Variants in SNRNP48 observed in about 807,000 individuals in gnomAD.
The protein encoded by SNRNP48 is U11/U12 small nuclear ribonucleoprotein 48 kDa protein.
Under a neutral mutation model 47.0 loss-of-function variants are expected in SNRNP48, and 43 were observed. The ratio of observed to expected loss-of-function variants is 0.92; its 90% CI spans 0.72 to 1.18. SNRNP48 has a LOEUF of 1.18. SNRNP48 is among the 50% of genes most tolerant of loss of function. SNRNP48 has a pLI of 0.00. For synonymous variants in SNRNP48, 138 were observed against 144.0 expected, an observed-to-expected ratio of 0.96 and a Z score of 0.30; for missense variants, 396 against 422.2, an observed-to-expected ratio of 0.94 and a Z score of 0.54.
intron 1 of SNRNP48, among the ~76,000 whole-genome samples, chr6:7,592,207 G>A (rs1274080999): frequency 6.6e-6 from 1 of 152,112 alleles, no homozygotes; most frequent in Admixed American, 6.5e-5. Flanking sequence ...CGGGGAAGAA[G>A]CATCAACAGC....
intron 3 of SNRNP48, 122 bp downstream of exon 3, chr6:7,594,281 G>C: frequency 2.2e-6 from 1 of 460,172 alleles, no homozygotes; most frequent in Non-Finnish European, 3.9e-6. Flanking sequence ...AGTACCTTAA[G>C]AGAATGTAGA....
Position 7,606,039 on chromosome 6 carries a change from A to G in SNRNP48, c.815A>G (p.Glu272Gly), listed in dbSNP as rs1435236688. 1 of 1,596,026 alleles carries G rather than the reference A, an allele frequency of 6.3e-7. No homozygotes were observed. The highest frequency in any genetic ancestry group is 8.5e-7 in the Non-Finnish European group (1 of 1,175,536). ...KAEDDAEKNE[E>G]RRSASVDSRQ... ...TCTTTTCTGTGTTTTAGGAATGAAGAAAGGCGATCAGCTTCAGTAGATTCA... is the reference window on the plus strand; with the variant it reads ...TCTTTTCTGTGTTTTAGGAATGAAGGAAGGCGATCAGCTTCAGTAGATTCA... The change falls in exon 8 of 9, where the codon GAA becomes GGA. Residue 272 changes from glutamate (E) to glycine (G), a missense_variant. Glu to Gly is a moderately conservative substitution (Grantham distance 98). Coordinates refer to ENST00000342415, the MANE Select transcript of SNRNP48 (RefSeq NM_152551.4).
chr6:7,594,480 G>T (rs954879046), intron 3 of SNRNP48, among the ~76,000 whole-genome samples: 2 of 152,114 alleles, frequency 1.3e-5, no homozygotes, highest in African/African-American at 4.8e-5. Flanking sequence ...TGTGTTCCAG[G>T]GATTGACAGC....
chr6:7,607,900 T>A (rs1457355728), intron 8 of SNRNP48, among the ~76,000 whole-genome samples: 1 of 152,248 alleles, frequency 6.6e-6, no homozygotes, highest in Non-Finnish European at 1.5e-5. Flanking sequence ...TACCTATGAC[T>A]TAGTCCTTTT....
rs1422371082 is a variant in SNRNP48 at position 7,594,177 on chromosome 6, A to G, written c.331+18A>G. 1 of 1,183,082 alleles carries G rather than the reference A, an allele frequency of 8.5e-7. No individual in the cohort carries two copies. Among genetic ancestry groups the G allele is most frequent in the South Asian group, 1.6e-5 (1 of 62,536 alleles). 73.3% of individuals were successfully genotyped at this position (1,183,082 alleles called of 1,614,324 possible). ...TACTTTGAGTAAGTATTAAGTTATT[A>G]TAATTTAAAAATATCTTAGTGTAGA... On this transcript the variant is annotated intron_variant, in intron 3 of 8. Coordinates refer to ENST00000342415, the MANE Select transcript of SNRNP48 (RefSeq NM_152551.4).
In SNRNP48 at chr6:7,610,870, A is replaced by G. The variant is rs145733713; in HGVS notation, c.*1997A>G. The G allele has an allele frequency of 6.4e-4, 93 of 146,294 alleles. No individual in the cohort carries two copies. Among genetic ancestry groups the G allele is most frequent in the African/African-American group, 2.4e-3 (93 of 38,648 alleles). 9.1% of individuals were successfully genotyped at this position (146,294 alleles called of 1,614,324 possible). A position where few individuals can be genotyped will look rare whatever the true frequency, so the allele number is the denominator to read the frequency against. On this transcript the variant is annotated 3_prime_UTR_variant, in exon 9 of 9. Coordinates refer to ENST00000342415, the MANE Select transcript of SNRNP48 (RefSeq NM_152551.4). ...CACTGGATGTGAGCTACTTGAGAGC[A>G]GGGTTTATGCCTTCATCAGCGTGAC...
At chr6:7,591,130 C>T (rs1234437893) in intron 1 of SNRNP48, among the ~76,000 whole-genome samples, 1 of 152,180 alleles carries the variant, frequency 6.6e-6, no homozygotes, top group Non-Finnish European at 1.5e-5. Context: ...TCCGCAGTTG[C>T]ACCAGATTCG....
chr6:7,590,225 C>G lies in SNRNP48; in HGVS notation c.-33C>G. The G allele has an allele frequency of 1.6e-6, 2 of 1,283,652 alleles. No homozygotes were observed. The highest frequency in any genetic ancestry group is 2.0e-6 in the Non-Finnish European group (2 of 1,007,668). 79.5% of individuals were successfully genotyped at this position (1,283,652 alleles called of 1,614,324 possible). A position where few individuals can be genotyped will look rare whatever the true frequency, so the allele number is the denominator to read the frequency against. ...AGGCCTGCGCGTGCGGTCTGCAGTT[C>G]GGCCGCTTCCTCTTGGCGGGTGGGC... On this transcript the variant is annotated 5_prime_UTR_variant, in exon 1 of 9. Coordinates refer to ENST00000342415, the MANE Select transcript of SNRNP48 (RefSeq NM_152551.4).
At position 7,590,245 on chromosome 6, in the gene SNRNP48, G is replaced by A. The variant is rs1358460648; in HGVS notation, c.-13G>A. On this transcript the variant is annotated 5_prime_UTR_variant, in exon 1 of 9. It adds an upstream start codon to the 5' untranslated region. Coordinates refer to ENST00000342415, the MANE Select transcript of SNRNP48 (RefSeq NM_152551.4). The stretch of plus-strand genomic sequence containing the variant: ...CAGTTCGGCCGCTTCCTCTTGGCGG[G>A]TGGGCTGCAGCTATGGAGGGCGAGC... 1.2e-5 allele frequency: 16 copies of A among 1,304,710 alleles called. No individual in the cohort carries two copies. Among genetic ancestry groups the A allele is most frequent in the Non-Finnish European group, 1.5e-5 (15 of 1,018,790 alleles). 80.8% of individuals were successfully genotyped at this position (1,304,710 alleles called of 1,614,324 possible).
intron 6 of SNRNP48, 100 bp downstream of exon 6, chr6:7,602,844 G>A (rs1472320756): frequency 2.6e-6 from 3 of 1,140,474 alleles, no homozygotes; most frequent in South Asian, 3.7e-5. Context: ...TTCTGAAAGT[G>A]TCTTCAGGGT....
At chr6:7,605,158 A>G (rs574860199) in intron 6 of SNRNP48, among the ~76,000 whole-genome samples, 2 of 152,348 alleles carry the variant, frequency 1.3e-5, no homozygotes, top group East Asian at 3.9e-4. Context: ...ATTTTCTCAC[A>G]TAAAGGTAGT....
rs141078418 is a variant in SNRNP48 at position 7,609,833 on chromosome 6, C to G, written c.*960C>G. On this transcript the variant is annotated 3_prime_UTR_variant, in exon 9 of 9. Coordinates refer to ENST00000342415, the MANE Select transcript of SNRNP48 (RefSeq NM_152551.4). ...GTATTTTATTGGGTTTTGACAGATT[C>G]ATACCTCTGTGCAGCCACTATCACG... The G allele has an allele frequency of 5.9e-5, 9 of 152,168 alleles. No individual in the cohort carries two copies. In the East Asian group the frequency reaches 1.7e-3, roughly 29 times the overall value. The allele number at this position is 152,168 out of a possible 1,614,324, so 9.4% of individuals were successfully genotyped here.
chr6:7,598,861 A>G lies in SNRNP48; in HGVS notation c.407-2475A>G, dbSNP rs1011349287. 2.2e-4 allele frequency among the ~76,000 whole-genome samples: 34 copies of G among 152,194 alleles called. 1 individual carries two copies. Among genetic ancestry groups the G allele is most frequent in the Admixed American group, 1.9e-3 (29 of 15,284 alleles). ...ATTCAATCTATATACTTATTTTCAG[A>G]TATAGTTACTTCGGTTAATTTTTTA... On this transcript the variant is annotated intron_variant, in intron 4 of 8. Coordinates refer to ENST00000342415, the MANE Select transcript of SNRNP48 (RefSeq NM_152551.4).
rs1215056913 is a variant in SNRNP48 at position 7,608,805 on chromosome 6, T to G, written c.972-20T>G. Reference sequence around the variant, plus strand: ...ATGTCCATCATTTATAACCATTTTTTTATACCTCTTTTATTTCAGGGATGG... The same window carrying G: ...ATGTCCATCATTTATAACCATTTTTGTATACCTCTTTTATTTCAGGGATGG... On this transcript the variant is annotated intron_variant, in intron 8 of 8. Coordinates refer to ENST00000342415, the MANE Select transcript of SNRNP48 (RefSeq NM_152551.4). 2 of 1,453,876 alleles carry G rather than the reference T, an allele frequency of 1.4e-6. No homozygotes were observed. Among genetic ancestry groups the G allele is most frequent in the Middle Eastern group, 1.8e-4 (1 of 5,566 alleles). 90.1% of individuals were successfully genotyped at this position (1,453,876 alleles called of 1,614,324 possible). A position where few individuals can be genotyped will look rare whatever the true frequency, so the allele number is the denominator to read the frequency against.
chr6:7,603,842 CA>C (rs1760077208), intron 6 of SNRNP48, among the ~76,000 whole-genome samples: 1 of 152,206 alleles, frequency 6.6e-6, no homozygotes, highest in Admixed American at 6.5e-5. Context: ...CTTGGCTCAT[CA>C]GTTATTTCTT....
At chr6:7,595,236 G>A (rs1354495263) in intron 4 of SNRNP48, 135 bp downstream of exon 4, 6 of 693,322 alleles carry the variant, frequency 8.7e-6, no homozygotes, top group African/African-American at 1.9e-5. Context: ...TTTAACATTG[G>A]GCTAATTTGC....
chr6:7,590,677 G>A (rs1339578992), intron 1 of SNRNP48, among the ~76,000 whole-genome samples: 5 of 152,234 alleles, frequency 3.3e-5, no homozygotes, highest in Admixed American at 3.3e-4. Flanking sequence ...GCGCAACTTC[G>A]AGTTTAAAGA....
At chr6:7,606,345 A>G (rs1760127598) in intron 8 of SNRNP48, 150 bp downstream of exon 8, 2 of 795,566 alleles carry the variant, frequency 2.5e-6, no homozygotes, top group Non-Finnish European at 3.8e-6. Context: ...CTTAACATTC[A>G]TTATAGTTCA....
At chr6:7,593,632 A>G in intron 1 of SNRNP48, 102 bp from the exon 2 acceptor site, 1 of 625,572 alleles carries the variant, frequency 1.6e-6, no homozygotes, top group Non-Finnish European at 2.5e-6. Context: ...AAGAGGATGC[A>G]CTATACAGTA....
Sources: gnomAD v4.1 joint callset for allele counts (sites outside exome capture counted in the v4.1 genomes callset) on GRCh38, gnomAD v4.1.1 for gene constraint, MANE v1.5 for transcripts, NCBI Gene and HGNC (gene_info 2026-07-23, HGNC 2026-07-21) for gene names.